The following ADGRV1 variants were observed in gnomAD, a reference collection of about 807,000 sequenced individuals.
ADGRV1 encodes the protein G-protein coupled receptor 98.
In ADGRV1, 359 loss-of-function variants were observed where a neutral mutation model predicts 596.2. The ratio of observed to expected loss-of-function variants is 0.60; its 90% confidence interval spans 0.55 to 0.66. The LOEUF (loss-of-function observed/expected upper bound fraction) is 0.66. Among genes scored for constraint, ADGRV1 ranks in the 30% least tolerant of loss-of-function variants. The pLI is 0.00. For synonymous variants in ADGRV1, 2,681 were observed against 2,679.2 expected, an observed-to-expected ratio of 1.00 and a Z score of -0.02; for missense variants, 7,274 against 7,575.6, an observed-to-expected ratio of 0.96 and a Z score of 1.48.
At chr5:90,756,157 A>G (rs765916244) in intron 55 of ADGRV1, among the ~76,000 whole-genome samples, 11 of 152,160 alleles carry the variant, frequency 7.2e-5, no homozygotes, top group Admixed American at 2.0e-4. Context: ...TTAAATATGT[A>G]AAACATACAA....
intron 85 of ADGRV1, among the ~76,000 whole-genome samples, chr5:91,004,602 A>ACT (rs35298931): frequency 0.64 from 97,722 of 151,892 alleles, 33,069 homozygotes; most frequent in African/African-American, 0.87. Flanking sequence ...TTTCACTTTG[A>ACT]CTCCTGACTT....
At chr5:91,147,511 A>T (rs1396331302) in intron 87 of ADGRV1, among the ~76,000 whole-genome samples, 1 of 152,166 alleles carries the variant, frequency 6.6e-6, no homozygotes, top group Non-Finnish European at 1.5e-5. Context: ...AGTGCATCTC[A>T]TTAGATCTGA....
At chr5:90,665,792 C>A (rs1177066417) in intron 21 of ADGRV1, among the ~76,000 whole-genome samples, 1 of 150,476 alleles carries the variant, frequency 6.6e-6, no homozygotes, top group Non-Finnish European at 1.5e-5. Context: ...TGAATGCGTC[C>A]CAGAGATTCT....
intron 83 of ADGRV1, among the ~76,000 whole-genome samples, chr5:90,937,929 A>AG (rs1775852294): frequency 6.6e-6 from 1 of 152,114 alleles, no homozygotes; most frequent in Non-Finnish European, 1.5e-5. Flanking sequence ...AGATTGTTTC[A>AG]TAAAGTTAAT....
chr5:90,636,081 T>A (rs1174214362), intron 10 of ADGRV1, among the ~76,000 whole-genome samples: 1 of 152,016 alleles, frequency 6.6e-6, no homozygotes, highest in Non-Finnish European at 1.5e-5. Context: ...ATTTTTTACT[T>A]TATATATACA....
intron 9 of ADGRV1, among the ~76,000 whole-genome samples, chr5:90,631,927 T>A (rs1166524165): frequency 2.0e-5 from 3 of 152,188 alleles, no homozygotes; most frequent in African/African-American, 7.2e-5. Flanking sequence ...TTTTAAAAAT[T>A]GATTTTATTA....
At chr5:91,057,398 G>C (rs1786983843) in intron 85 of ADGRV1, among the ~76,000 whole-genome samples, 1 of 152,166 alleles carries the variant, frequency 6.6e-6, no homozygotes, top group Non-Finnish European at 1.5e-5. Flanking sequence ...AAAAACTTAA[G>C]AATATCAGTC....
chr5:90,815,811 G>T, intron 75 of ADGRV1, 75 bp downstream of exon 75: 1 of 870,134 alleles, frequency 1.1e-6, no homozygotes, highest in Non-Finnish European at 1.9e-6. Context: ...TTCATACAAT[G>T]GTGGAGGGCA....
chr5:91,100,502 A>G (rs528032426), intron 86 of ADGRV1, among the ~76,000 whole-genome samples: 6 of 151,898 alleles, frequency 4.0e-5, no homozygotes, highest in South Asian at 2.1e-4. Flanking sequence ...GGGAGGGAGG[A>G]AGGAAGGATG....
At chr5:90,640,437 A>T (rs1374996407) in intron 11 of ADGRV1, among the ~76,000 whole-genome samples, 7 of 152,030 alleles carry the variant, frequency 4.6e-5, no homozygotes, top group African/African-American at 1.2e-4. Context: ...ATTTTTTTTT[A>T]AATCTAATTA....
intron 28 of ADGRV1, among the ~76,000 whole-genome samples, chr5:90,684,749 T>A (rs1745388506): frequency 6.6e-6 from 1 of 152,138 alleles, no homozygotes; most frequent in Non-Finnish European, 1.5e-5. Context: ...CTCTTAATAC[T>A]ATCACCACTG....
chr5:91,073,844 T>C (rs1270119037), intron 86 of ADGRV1, among the ~76,000 whole-genome samples: 2 of 152,132 alleles, frequency 1.3e-5, no homozygotes, highest in Admixed American at 1.3e-4. Flanking sequence ...ACTACATTCA[T>C]GTGCCACCAT....
At chr5:90,587,555 C>CTTTTT (rs35819836) in intron 1 of ADGRV1, among the ~76,000 whole-genome samples, 1 of 138,518 alleles carries the variant, frequency 7.2e-6, no homozygotes. Flanking sequence ...TTTTCTGTGT[C>CTTTTT]TTTTTTTTTT....
chr5:90,944,778 A>G (rs1491003068), intron 83 of ADGRV1, among the ~76,000 whole-genome samples: 1 of 152,182 alleles, frequency 6.6e-6, no homozygotes, highest in African/African-American at 2.4e-5. Context: ...CATGTCATCA[A>G]TTTTGACACT....
intron 83 of ADGRV1, among the ~76,000 whole-genome samples, chr5:90,954,947 G>A (rs1646939121): frequency 6.6e-6 from 1 of 152,000 alleles, no homozygotes; most frequent in African/African-American, 2.4e-5. Flanking sequence ...CAGAGTGATG[G>A]TATTTGGAGA....
chr5:90,951,079 T>C (rs919294740), intron 83 of ADGRV1, among the ~76,000 whole-genome samples: 1 of 152,206 alleles, frequency 6.6e-6, no homozygotes, highest in Non-Finnish European at 1.5e-5. Flanking sequence ...ATGTAACTCA[T>C]GCCTTGATAA....
At chr5:90,820,656 A>C (rs1763397738) in intron 75 of ADGRV1, among the ~76,000 whole-genome samples, 1 of 149,418 alleles carries the variant, frequency 6.7e-6, no homozygotes, top group Non-Finnish European at 1.5e-5. Context: ...AAAGTATTTT[A>C]TTTCTCCTTC....
At chr5:90,581,279 G>A (rs565502303) in intron 1 of ADGRV1, among the ~76,000 whole-genome samples, 31 of 152,214 alleles carry the variant, frequency 2.0e-4, no homozygotes, top group East Asian at 7.7e-4. Context: ...GTCATTCTCC[G>A]TCCAGCTTTG....
chr5:90,722,631 C>T (rs1751208233), intron 45 of ADGRV1, among the ~76,000 whole-genome samples: 1 of 138,274 alleles, frequency 7.2e-6, no homozygotes, highest in African/African-American at 2.7e-5. Flanking sequence ...AGGAGAATCG[C>T]TTGAACCTGG....
Sources: allele counts gnomAD v4.1 joint callset (sites outside exome capture counted in the v4.1 genomes callset), GRCh38; gene constraint gnomAD v4.1.1; transcripts MANE v1.5; gene names NCBI Gene and HGNC (gene_info 2026-07-23, HGNC 2026-07-21).